ZNF385D: variants seen among roughly 807,000 people sequenced by gnomAD.
ZNF385D encodes zinc finger protein 385D.
Under a neutral mutation model 35.8 loss-of-function variants are expected in ZNF385D, and 15 were observed. That is an observed-to-expected ratio of 0.42 (90% CI 0.28 to 0.64). The LOEUF is 0.64. Ranked by LOEUF, ZNF385D falls within the 30% of genes least tolerant of loss-of-function variation. ZNF385D has a pLI of 0.23. For synonymous variants in ZNF385D, 212 were observed against 186.8 expected, an observed-to-expected ratio of 1.13 and a Z score of -1.10; for missense variants, 474 against 494.6, an observed-to-expected ratio of 0.96 and a Z score of 0.39.
At chr3:21,796,499 T>C (rs2072158597) in intron 3 of ZNF385D, among the ~76,000 whole-genome samples, 2 of 152,216 alleles carry the variant, frequency 1.3e-5, no homozygotes, top group African/African-American at 4.8e-5. Context: ...TTATTTAATG[T>C]AATTCATCAC....
intron 3 of ZNF385D, among the ~76,000 whole-genome samples, chr3:22,104,969 C>T (rs1276483234): frequency 1.3e-5 from 2 of 152,132 alleles, no homozygotes; most frequent in Non-Finnish European, 2.9e-5. Flanking sequence ...AACGTCTTTA[C>T]ATTGACCCAG....
intron 3 of ZNF385D, among the ~76,000 whole-genome samples, chr3:21,872,147 G>C (rs1478051393): frequency 6.6e-6 from 1 of 151,964 alleles, no homozygotes; most frequent in African/African-American, 2.4e-5. Flanking sequence ...CTTCATATTA[G>C]AACAGATCAT....
At chr3:21,671,436 A>C (rs2066573537) in intron 1 of ZNF385D, among the ~76,000 whole-genome samples, 1 of 152,148 alleles carries the variant, frequency 6.6e-6, no homozygotes, top group Non-Finnish European at 1.5e-5. Flanking sequence ...TAGATAATTT[A>C]ATATATCTAT....
chr3:21,653,292 G>GTA (rs976640003), intron 2 of ZNF385D, among the ~76,000 whole-genome samples: 2 of 151,880 alleles, frequency 1.3e-5, no homozygotes, highest in Non-Finnish European at 2.9e-5. Context: ...ATATATGTGT[G>GTA]TATATATATG....
At chr3:22,024,565 T>A (rs1302257929) in intron 3 of ZNF385D, among the ~76,000 whole-genome samples, 1 of 152,156 alleles carries the variant, frequency 6.6e-6, no homozygotes, top group Non-Finnish European at 1.5e-5. Flanking sequence ...GGAGAACTGT[T>A]AATAGTATGG....
chr3:21,762,887 A>G (rs2070681029), intron 3 of ZNF385D, among the ~76,000 whole-genome samples: 1 of 152,112 alleles, frequency 6.6e-6, no homozygotes, highest in Non-Finnish European at 1.5e-5. Context: ...GAACACAGAA[A>G]GATGCTTTTG....
intron 2 of ZNF385D, among the ~76,000 whole-genome samples, chr3:22,245,331 G>A (rs1001888629): frequency 3.9e-5 from 6 of 151,962 alleles, no homozygotes; most frequent in Non-Finnish European, 7.4e-5. Flanking sequence ...AGTGTCCTGG[G>A]GCTAGTCCAG....
At chr3:21,427,185 G>A (rs1701060237) in intron 5 of ZNF385D, among the ~76,000 whole-genome samples, 1 of 152,036 alleles carries the variant, frequency 6.6e-6, no homozygotes, top group Non-Finnish European at 1.5e-5. Flanking sequence ...GACATAAGTG[G>A]GAGGAGGGCA....
chr3:22,113,258 A>G (rs183973205), intron 3 of ZNF385D, among the ~76,000 whole-genome samples: 3 of 152,092 alleles, frequency 2.0e-5, no homozygotes, highest in Non-Finnish European at 4.4e-5. Flanking sequence ...TCTCATTCTA[A>G]ATCTTTCTGA....
chr3:21,594,069 A>G (rs10510514), intron 2 of ZNF385D, among the ~76,000 whole-genome samples: 53,622 of 152,032 alleles, frequency 0.35, 10,170 homozygotes, highest in Middle Eastern at 0.43. Context: ...CCACAAGAAC[A>G]CAGGGAATGA....
At chr3:21,771,191 T>C (rs1324120413) in intron 3 of ZNF385D, among the ~76,000 whole-genome samples, 1 of 151,656 alleles carries the variant, frequency 6.6e-6, no homozygotes, top group Non-Finnish European at 1.5e-5. Flanking sequence ...TATACATATG[T>C]GACAAACCTG....
At chr3:21,730,214 C>T (rs1359092252) in intron 1 of ZNF385D, among the ~76,000 whole-genome samples, 3 of 152,158 alleles carry the variant, frequency 2.0e-5, no homozygotes. Context: ...AATCATTTCT[C>T]AGCACTATAC....
intron 3 of ZNF385D, among the ~76,000 whole-genome samples, chr3:21,824,223 C>T (rs540542859): frequency 1.6e-4 from 25 of 152,234 alleles, no homozygotes; most frequent in Non-Finnish European, 3.5e-4. Flanking sequence ...TGAAGGCCTG[C>T]CCCTCACATT....
chr3:21,862,650 G>A (rs1559700990), intron 3 of ZNF385D, among the ~76,000 whole-genome samples: 1 of 152,110 alleles, frequency 6.6e-6, no homozygotes, highest in African/African-American at 2.4e-5. Context: ...CTGAATTAGA[G>A]AGAACCAATG....
chr3:22,072,509 T>C (rs1700276453), intron 3 of ZNF385D, among the ~76,000 whole-genome samples: 1 of 152,044 alleles, frequency 6.6e-6, no homozygotes, highest in African/African-American at 2.4e-5. Context: ...GAAAGAAGTA[T>C]TATACTTACT....
chr3:22,212,489 C>A (rs183633133), intron 2 of ZNF385D, among the ~76,000 whole-genome samples: 2 of 151,992 alleles, frequency 1.3e-5, no homozygotes, highest in Non-Finnish European at 1.5e-5. Context: ...TTTGGAAGCA[C>A]GTTAGCAACG....
chr3:22,070,159 A>G (rs1700159033), intron 3 of ZNF385D, among the ~76,000 whole-genome samples: 1 of 152,152 alleles, frequency 6.6e-6, no homozygotes, highest in Non-Finnish European at 1.5e-5. Context: ...TAAGCATCTT[A>G]TTTTCTAACA....
chr3:21,767,767 T>TA lies in ZNF385D; in HGVS notation c.326-102740dup, dbSNP rs567746686. On this transcript the variant is annotated intron_variant, in intron 3 of 5. Coordinates refer to the ZNF385D transcript ENST00000494108. ...ATTGTGATATGAATTTATGAAATGG[T>TA]AGTTGACAATATTTAGATAAAAGAC... 2.4e-4 allele frequency among the ~76,000 whole-genome samples: 36 copies of TA among 152,118 alleles called. No individual in the cohort carries two copies. In the East Asian group the frequency reaches 6.8e-3, roughly 29 times the overall value.
Position 21,413,440 on chromosome 3 carries a change from T to C in ZNF385D, c.*7774A>G, listed in dbSNP as rs1287570227. On this transcript the variant is annotated 3_prime_UTR_variant, in exon 8 of 8. Transcript: ENST00000281523. ...CTCACATTGGTGTGACTAGTGATTA[T>C]AGTTAAGTCAATGCTTTGCCACCCC... is the stretch of plus-strand genomic sequence containing the variant. The C allele has an allele frequency of 1.3e-5, 2 of 152,068 alleles. No individual in the cohort carries two copies. The highest frequency in any genetic ancestry group is 2.4e-5 in the African/African-American group (1 of 41,420). The allele number at this position is 152,068 out of a possible 1,614,324, so 9.4% of individuals were successfully genotyped here.
Sources: allele counts gnomAD v4.1 joint callset (sites outside exome capture counted in the v4.1 genomes callset), GRCh38; gene constraint gnomAD v4.1.1; transcripts MANE v1.5; gene names NCBI Gene and HGNC (gene_info 2026-07-23, HGNC 2026-07-21).